ZC3H14: variants seen among roughly 807,000 people sequenced by gnomAD.
The protein encoded by ZC3H14 is zinc finger CCCH-type containing 14.
Under a neutral mutation model 92.4 loss-of-function variants are expected in ZC3H14, and 31 were observed. The observed-to-expected ratio is 0.34, with a 90% CI of 0.25 to 0.45. The LOEUF is 0.45. Among genes scored for constraint, ZC3H14 ranks in the 20% least tolerant of loss-of-function variants. ZC3H14 has a pLI of 1.00. For missense variants in ZC3H14, 781 were observed against 897.3 expected (o/e 0.87, Z 1.66); for synonymous variants, 321 against 300.9 (o/e 1.07, Z -0.69).
At chr14:88,568,289 CTCTGTATTAGTCCATT>C (rs2079954616) in intron 3 of ZC3H14, 136 bp downstream of exon 3, 1 of 725,444 alleles carries the variant, frequency 1.4e-6, no homozygotes, top group African/African-American at 1.7e-5. Flanking sequence ...AGAGCACAGC[CTCTGTATTAGTCCATT>C]TTCACAGTGC....
In ZC3H14 at chr14:88,623,968, T is replaced by C. The variant is rs571929461; in HGVS notation, c.*12217T>C. The C allele has an allele frequency of 2.6e-5, 4 of 152,382 alleles. No homozygotes were observed. In the South Asian group the frequency reaches 6.2e-4, roughly 24 times the overall value. 9.4% of individuals were successfully genotyped at this position (152,382 alleles called of 1,614,324 possible). ...AGCATGCCTATGTGCATTCTTCCTTTATGTAAAAGGCACAAATTCTGCGCT... is the reference window on the plus strand; with the variant it reads ...AGCATGCCTATGTGCATTCTTCCTTCATGTAAAAGGCACAAATTCTGCGCT... On this transcript the variant is annotated 3_prime_UTR_variant, in exon 17 of 17. Transcript: ENST00000251038.
In ZC3H14 at chr14:88,619,059, C is replaced by G. The variant is rs895577037; in HGVS notation, c.*7308C>G. On this transcript the variant is annotated 3_prime_UTR_variant, in exon 17 of 17. Coordinates refer to ENST00000251038, the MANE Select transcript of ZC3H14 (RefSeq NM_024824.5). The stretch of plus-strand genomic sequence containing the variant: ...CATCTCCCAATTCCTTTAAAAACGT[C>G]TAATGGCTTAAAAAAACTTTCTTAG... 4.3e-5 allele frequency: 13 copies of G among 302,828 alleles called. No homozygotes were observed. The highest frequency in any genetic ancestry group is 2.8e-4 in the African/African-American group (13 of 45,972). The allele number at this position is 302,828 out of a possible 1,614,324, so 18.8% of individuals were successfully genotyped here.
Position 88,610,956 on chromosome 14 carries a change from C to T in ZC3H14, c.2204+16C>T, listed in dbSNP as rs187181237. 1.1e-5 allele frequency: 17 copies of T among 1,568,262 alleles called. No individual in the cohort carries two copies. Among genetic ancestry groups the T allele is most frequent in the East Asian group, 4.5e-5 (2 of 44,866 alleles). On this transcript the variant is annotated intron_variant, in intron 16 of 16. Coordinates refer to ENST00000251038, the MANE Select transcript of ZC3H14 (RefSeq NM_024824.5). ...CTCAAACCAGGTAAACATTCAAATTCGTTTTTCTCATGTCAGTTCAAATTC... is the reference window on the plus strand; with the variant it reads ...CTCAAACCAGGTAAACATTCAAATTTGTTTTTCTCATGTCAGTTCAAATTC...
At position 88,612,762 on chromosome 14, in the gene ZC3H14, T is replaced by C. The variant is rs1429913744; in HGVS notation, c.*1011T>C. On this transcript the variant is annotated 3_prime_UTR_variant, in exon 17 of 17. Coordinates refer to ENST00000251038, the MANE Select transcript of ZC3H14 (RefSeq NM_024824.5). ...CTGCAAGATAGATAGGATGAAACTT[T>C]TGGCCTACTGTATTACTTACAGAGT... The C allele has an allele frequency of 6.6e-6, 1 of 152,610 alleles. No homozygotes were observed. Among genetic ancestry groups the C allele is most frequent in the Non-Finnish European group, 1.5e-5 (1 of 68,034 alleles). 9.5% of individuals were successfully genotyped at this position (152,610 alleles called of 1,614,324 possible).
chr14:88,616,565 T>C lies in ZC3H14; in HGVS notation c.*4814T>C. The C allele has an allele frequency of 1.4e-6, 1 of 730,922 alleles. No homozygotes were observed. The highest frequency in any genetic ancestry group is 2.2e-6 in the Non-Finnish European group (1 of 460,382). The allele number at this position is 730,922 out of a possible 1,614,324, so 45.3% of individuals were successfully genotyped here. ...GATGGTATTACTCGAGGGAGAGGAT[T>C]TGTTTCTAATAGCTTTTATTTCAAA... On this transcript the variant is annotated 3_prime_UTR_variant, in exon 17 of 17. Coordinates refer to ENST00000251038, the MANE Select transcript of ZC3H14 (RefSeq NM_024824.5).
rs538601758 is a variant in ZC3H14, at chr14:88,563,547, T to G, written c.37-104T>G. On this transcript the variant is annotated intron_variant, in intron 1 of 16. Coordinates refer to ENST00000251038, the MANE Select transcript of ZC3H14 (RefSeq NM_024824.5). Reference sequence around the variant, plus strand: ...CTCCTCCCAGCCCCCGCCCGGGGGATCCGAGGTGCGCGCACCAGCAAAGTG... The same window carrying G: ...CTCCTCCCAGCCCCCGCCCGGGGGAGCCGAGGTGCGCGCACCAGCAAAGTG... 2.4e-4 allele frequency: 387 copies of G among 1,584,838 alleles called. 5 individuals carry two copies. The South Asian group carries it at 4.1e-3, about 17-fold the overall frequency.
chr14:88,619,776 T>A lies in ZC3H14; in HGVS notation c.*8025T>A, dbSNP rs2088538661. 1 of 152,178 alleles carries A rather than the reference T, an allele frequency of 6.6e-6. No individual in the cohort carries two copies. Among genetic ancestry groups the A allele is most frequent in the African/African-American group, 2.4e-5 (1 of 41,442 alleles). 9.4% of individuals were successfully genotyped at this position (152,178 alleles called of 1,614,324 possible). On this transcript the variant is annotated 3_prime_UTR_variant, in exon 17 of 17. Transcript: ENST00000251038. The stretch of plus-strand genomic sequence containing the variant: ...GCCTCCCGGGTTCAAGCGATTCTCC[T>A]GTTTCAGCCCCCTGAGTAGCTGGGA...
rs75103625 is a variant in ZC3H14 at position 88,582,779 on chromosome 14, T to A, written c.1279+4639T>A. Among the ~76,000 whole-genome samples the A allele has an allele frequency of 3.6e-3, 554 of 152,338 alleles. 3 individuals are homozygous for A. Among genetic ancestry groups the A allele is most frequent in the African/African-American group, 0.012 (510 of 41,584 alleles). Reference sequence around the variant, plus strand: ...GTATTACTAGATATATTCACAAGTGTGAAGTGATACTGCAAGCAACTGTTA... The same window carrying A: ...GTATTACTAGATATATTCACAAGTGAGAAGTGATACTGCAAGCAACTGTTA... On this transcript the variant is annotated intron_variant, in intron 9 of 16. Coordinates refer to ENST00000251038, the MANE Select transcript of ZC3H14 (RefSeq NM_024824.5).
chr14:88,605,834 G>A (rs1009284338), intron 12 of ZC3H14, among the ~76,000 whole-genome samples: 2 of 152,122 alleles, frequency 1.3e-5, no homozygotes, highest in African/African-American at 2.4e-5. Context: ...CTGCTATTAC[G>A]ACTGGTTGCC....
rs193084078 is a variant in ZC3H14 at position 88,569,925 on chromosome 14, C to T, written c.195-1159C>T. 8.5e-4 allele frequency among the ~76,000 whole-genome samples: 130 copies of T among 152,240 alleles called. 2 individuals carry two copies. The highest frequency in any genetic ancestry group is 3.1e-3 in the African/African-American group (127 of 41,510). On this transcript the variant is annotated intron_variant, in intron 3 of 16. Transcript: ENST00000251038. ...ACCCAACCCATTTGTTACAATTTGT[C>T]CCCAGAGGTTATTCCCTCCCAGCCC...
intron 9 of ZC3H14, among the ~76,000 whole-genome samples, chr14:88,587,090 AG>A (rs1253309245): frequency 6.6e-6 from 1 of 152,168 alleles, no homozygotes. Context: ...AGTAATTTTA[AG>A]TAGTAACTTA....
intron 3 of ZC3H14, among the ~76,000 whole-genome samples, chr14:88,570,412 G>C (rs2080236646): frequency 1.3e-5 from 2 of 152,188 alleles, no homozygotes; most frequent in Non-Finnish European, 2.9e-5. Context: ...CAAGATTACA[G>C]CCTTACAGCA....
Position 88,574,563 on chromosome 14 carries a change from A to G in ZC3H14, c.862-130A>G, listed in dbSNP as rs1298926720. 7 of 1,210,700 alleles carry G rather than the reference A, an allele frequency of 5.8e-6. No homozygotes were observed. The East Asian group carries it at 1.5e-4, about 25-fold the overall frequency. The allele number at this position is 1,210,700 out of a possible 1,614,324, so 75.0% of individuals were successfully genotyped here. ...CAGCCTCATATTTATATTTTTACAT[A>G]AAACCAAGAAATACTCTGTGAATTT... On this transcript the variant is annotated intron_variant, in intron 6 of 16. Coordinates refer to ENST00000251038, the MANE Select transcript of ZC3H14 (RefSeq NM_024824.5).
chr14:88,582,979 T>TA (rs2082080918), intron 9 of ZC3H14, among the ~76,000 whole-genome samples: 1 of 152,130 alleles, frequency 6.6e-6, no homozygotes, highest in Admixed American at 6.5e-5. Context: ...CACCTCATAA[T>TA]ATGTGTACTT....
chr14:88,597,623 G>C (rs2084025789), intron 10 of ZC3H14, among the ~76,000 whole-genome samples: 2 of 152,188 alleles, frequency 1.3e-5, no homozygotes, highest in Admixed American at 6.5e-5. Flanking sequence ...CCACTGGGTT[G>C]GTGAGCCACT....
chr14:88,570,050 TAAC>T (rs1490845299), intron 3 of ZC3H14, among the ~76,000 whole-genome samples: 4 of 152,204 alleles, frequency 2.6e-5, no homozygotes, highest in Non-Finnish European at 5.9e-5. Flanking sequence ...TTTTCTCCGA[TAAC>T]TTGATAGAAT....
intron 9 of ZC3H14, 93 bp downstream of exon 9, chr14:88,578,233 G>T: frequency 1.4e-6 from 2 of 1,472,850 alleles, no homozygotes; most frequent in African/African-American, 1.4e-5. Flanking sequence ...ATTACACTAT[G>T]AAAAAAGTGA....
chr14:88,579,081 C>T (rs960747801), intron 9 of ZC3H14, among the ~76,000 whole-genome samples: 3 of 151,932 alleles, frequency 2.0e-5, no homozygotes, highest in African/African-American at 4.8e-5. Flanking sequence ...TTTAAGACCC[C>T]ACCAAAAAAA....
chr14:88,568,107 G>T lies in ZC3H14; in HGVS notation c.148G>T (p.Asp50Tyr), dbSNP rs1186389590. The T allele has an allele frequency of 1.2e-6, 2 of 1,614,038 alleles. No individual in the cohort carries two copies. The highest frequency in any genetic ancestry group is 2.7e-5 in the African/African-American group (2 of 74,934). The change falls in exon 3 of 17, where the codon GAT becomes TAT. Residue 50 changes from aspartate (D) to tyrosine (Y), a missense_variant. Transcript: ENST00000251038. ...NKKSQDQMTE[D>Y]LSLFLGNNTI... ...GAAAAGTCAGGACCAAATGACAGAGGATCTGTCCCTGTTTCTAGGGAACAA... is the reference window on the plus strand; with the variant it reads ...GAAAAGTCAGGACCAAATGACAGAGTATCTGTCCCTGTTTCTAGGGAACAA...
Sources: gnomAD v4.1 joint callset for allele counts (sites outside exome capture counted in the v4.1 genomes callset) on GRCh38, gnomAD v4.1.1 for gene constraint, MANE v1.5 for transcripts, NCBI Gene and HGNC (gene_info 2026-07-23, HGNC 2026-07-21) for gene names.